ZNF737: variants seen among roughly 807,000 people sequenced by gnomAD.
The protein encoded by ZNF737 is zinc finger protein 102 (Y3).
A neutral mutation model predicts 11.7 loss-of-function variants in ZNF737; 13 were observed. The observed-to-expected ratio is 1.11, with a 90% confidence interval of 0.73 to 1.77. ZNF737 has a LOEUF of 1.77. ZNF737 is among the 40% of genes most tolerant of loss of function. The pLI, the probability that ZNF737 is intolerant of heterozygous loss-of-function variation, is 0.00. For synonymous variants in ZNF737, 217 were observed against 216.2 expected, an observed-to-expected ratio of 1.00 and a Z score of -0.03; for missense variants, 636 against 638.0, an observed-to-expected ratio of 1.00 and a Z score of 0.03.
rs782645108 is a variant in ZNF737 at position 20,545,541 on chromosome 19, C to A, written c.662G>T (p.Arg221Ile). The A allele has an allele frequency of 6.2e-6, 10 of 1,612,556 alleles. No homozygotes were observed. The highest frequency in any genetic ancestry group is 2.2e-5 in the East Asian group (1 of 44,822). ...NWSSHLTTHK[R>I]IHTGEKRYKC... The stretch of plus-strand genomic sequence containing the variant: ...GTACCGTTTCTCTCCAGTATGAATT[C>A]TCTTATGTGTAGTAAGGTGTGAGGA... Residue 221 changes from arginine (R) to isoleucine (I), a missense_variant, in exon 4 of 4, where the codon AGA becomes ATA. By Grantham distance (97) the Arg-to-Ile change is moderately conservative. Transcript: ENST00000427401.
downstream of ZNF737, among the ~76,000 whole-genome samples, chr19:20,536,576 G>A (rs151082903): frequency 8.5e-4 from 129 of 152,190 alleles, 1 homozygote; most frequent in East Asian, 0.023. Context: ...TTGAGAGGCC[G>A]AGGTGGGTAG....
At position 20,543,032 on chromosome 19, in the gene ZNF737, GCT is replaced by G; in HGVS notation, c.*1558_*1559del. ...TTGTGGATTAGTTTTTATATTCAATGCTCTGATTTAGTGTAATGTCTGAAGTG... is the reference window on the plus strand; with the variant it reads ...TTGTGGATTAGTTTTTATATTCAATGCTGATTTAGTGTAATGTCTGAAGTG... On this transcript the variant is annotated 3_prime_UTR_variant, in exon 4 of 4. Transcript: ENST00000427401. The G allele has an allele frequency of 1.0e-6, 1 of 985,124 alleles. No homozygotes were observed. Among genetic ancestry groups the G allele is most frequent in the African/African-American group, 1.7e-5 (1 of 57,330 alleles). The allele number at this position is 985,124 out of a possible 1,614,324, so 61.0% of individuals were successfully genotyped here. A position where few individuals can be genotyped will look rare whatever the true frequency, so the allele number is the denominator to read the frequency against.
chr19:20,544,933 G>T lies in ZNF737; in HGVS notation c.1270C>A (p.Pro424Thr), dbSNP rs200133247. Residue 424 changes from proline to threonine, a missense_variant, in exon 4 of 4, where the codon CCC becomes ACC. Pro to Thr is a conservative substitution (Grantham distance 38). Coordinates refer to ENST00000427401, the MANE Select transcript of ZNF737 (RefSeq NM_001159293.2). ...THKIIHTGQQ[P>T]FKCEECGKAF... ...TTGCCACATTCTTCACACTTGAAGG[G>T]TTGCTGTCCAGTATGGATTATCTTA... is the stretch of plus-strand genomic sequence containing the variant. The T allele has an allele frequency of 6.2e-7, 1 of 1,613,014 alleles. No individual in the cohort carries two copies. Among genetic ancestry groups the T allele is most frequent in the Non-Finnish European group, 8.5e-7 (1 of 1,179,550 alleles).
intron 1 of ZNF737, among the ~76,000 whole-genome samples, chr19:20,558,962 T>C (rs1424835351): frequency 6.6e-6 from 1 of 152,208 alleles, no homozygotes; most frequent in Non-Finnish European, 1.5e-5. Flanking sequence ...TAAATGGTGC[T>C]GGAATAACTA....
At chr19:20,559,968 C>T (rs1969022095) in intron 1 of ZNF737, among the ~76,000 whole-genome samples, 1 of 151,414 alleles carries the variant, frequency 6.6e-6, no homozygotes. Context: ...AGATCGAGAC[C>T]ATCCTGGCTA....
Position 20,543,721 on chromosome 19 carries a change from G to C in ZNF737, c.*871C>G. 1 of 985,342 alleles carries C rather than the reference G, an allele frequency of 1.0e-6. No homozygotes were observed. The highest frequency in any genetic ancestry group is 1.2e-6 in the Non-Finnish European group (1 of 829,858). 61.0% of individuals were successfully genotyped at this position (985,342 alleles called of 1,614,324 possible). A position where few individuals can be genotyped will look rare whatever the true frequency, so the allele number is the denominator to read the frequency against. On this transcript the variant is annotated 3_prime_UTR_variant, in exon 4 of 4. Transcript: ENST00000427401. ...TATATATTTCTAGGGTTTCACACTA[G>C]TATAATTATTGTTATGTGTAGAGAA...
In ZNF737 at chr19:20,565,722, C is replaced by G; in HGVS notation, c.-82G>C. The G allele has an allele frequency of 6.3e-7, 1 of 1,597,998 alleles. No individual in the cohort carries two copies. ...GGACACAGGGCCACAGAGGCTGGGC[C>G]TCTAGGAGCAGAGGACACACAGCAG... is the stretch of plus-strand genomic sequence containing the variant. On this transcript the variant is annotated 5_prime_UTR_variant, in exon 1 of 4. Coordinates refer to ENST00000427401, the MANE Select transcript of ZNF737 (RefSeq NM_001159293.2).
intron 1 of ZNF737, among the ~76,000 whole-genome samples, chr19:20,558,506 G>A (rs1352351525): frequency 6.6e-6 from 1 of 150,920 alleles, no homozygotes; most frequent in African/African-American, 2.4e-5. Flanking sequence ...CTGCTGCATA[G>A]TTTTTTTTTA....
Position 20,539,877 on chromosome 19 carries a change from T to C in ZNF737, c.*4715A>G, listed in dbSNP as rs1968129527. ...TGAGTTCAGCCTTGTTGGTAGACTA[T>C]TGGTATCCCAGAGGCTGATCATTCA... On this transcript the variant is annotated 3_prime_UTR_variant, in exon 4 of 4. Transcript: ENST00000427401. 3.5e-5 allele frequency: 34 copies of C among 985,156 alleles called. No homozygotes were observed. Among genetic ancestry groups the C allele is most frequent in the Non-Finnish European group, 3.9e-5 (32 of 829,890 alleles). 61.0% of individuals were successfully genotyped at this position (985,156 alleles called of 1,614,324 possible).
intron 1 of ZNF737, among the ~76,000 whole-genome samples, chr19:20,564,994 G>A (rs1326112704): frequency 6.8e-6 from 1 of 147,950 alleles, no homozygotes. Context: ...GAGTGCAGTG[G>A]CAAGATCTCA....
downstream of ZNF737, among the ~76,000 whole-genome samples, chr19:20,537,605 C>T (rs1238613432): frequency 7.8e-5 from 11 of 141,142 alleles, no homozygotes; most frequent in Non-Finnish European, 1.5e-4. Flanking sequence ...CAGTCTCTTC[C>T]TCCTGGGTTC....
intron 1 of ZNF737, among the ~76,000 whole-genome samples, chr19:20,564,800 AG>A (rs1969233732): frequency 6.9e-6 from 1 of 144,372 alleles, no homozygotes; most frequent in Non-Finnish European, 1.5e-5. Flanking sequence ...AAGAAGCTCT[AG>A]TCCCTGGATT....
At chr19:20,563,486 CT>C (rs59511067) in intron 1 of ZNF737, among the ~76,000 whole-genome samples, 4,683 of 123,592 alleles carry the variant, frequency 0.038, 172 homozygotes, top group African/African-American at 0.12. Flanking sequence ...GAAGTGCTTA[CT>C]TTTTTTTTTT....
chr19:20,550,891 G>A (rs782000824), intron 3 of ZNF737, among the ~76,000 whole-genome samples: 1 of 152,210 alleles, frequency 6.6e-6, no homozygotes, highest in Non-Finnish European at 1.5e-5. Flanking sequence ...TACAGACCAG[G>A]ATAGGGTTTA....
At chr19:20,546,259 A>G (rs1339681895) in intron 3 of ZNF737, among the ~76,000 whole-genome samples, 2 of 152,218 alleles carry the variant, frequency 1.3e-5, no homozygotes, top group East Asian at 3.9e-4. Flanking sequence ...TATACCCAAC[A>G]GAGCTCTTCC....
chr19:20,542,453 A>G lies in ZNF737; in HGVS notation c.*2139T>C, dbSNP rs1399445702. 1 of 621,944 alleles carries G rather than the reference A, an allele frequency of 1.6e-6. No individual in the cohort carries two copies. The highest frequency in any genetic ancestry group is 2.0e-6 in the Non-Finnish European group (1 of 498,442). 38.5% of individuals were successfully genotyped at this position (621,944 alleles called of 1,614,324 possible). Reference sequence around the variant, plus strand: ...CTCCATGTTGGTCAGGCTGGTCTCGAACTCCTGACCTCAGGTGATCTGCCC... The same window carrying G: ...CTCCATGTTGGTCAGGCTGGTCTCGGACTCCTGACCTCAGGTGATCTGCCC... On this transcript the variant is annotated 3_prime_UTR_variant, in exon 4 of 4. Transcript: ENST00000427401.
the ZNF737 span, among the ~76,000 whole-genome samples, chr19:20,530,528 G>A: frequency 4.1e-5 from 6 of 146,364 alleles, no homozygotes; most frequent in African/African-American, 1.3e-4. Flanking sequence ...GTTGCCAGGC[G>A]GAGGGTCTCC....
At chr19:20,563,090 A>C (rs1359982373) in intron 1 of ZNF737, among the ~76,000 whole-genome samples, 1 of 149,306 alleles carries the variant, frequency 6.7e-6, no homozygotes, top group Non-Finnish European at 1.5e-5. Flanking sequence ...TTTTTAACAT[A>C]AATTAATATT....
rs1039866650 is a variant in ZNF737 at position 20,540,814 on chromosome 19, C to T, written c.*3778G>A. On this transcript the variant is annotated 3_prime_UTR_variant, in exon 4 of 4. Coordinates refer to ENST00000427401, the MANE Select transcript of ZNF737 (RefSeq NM_001159293.2). ...TTGTTATCTACATAAACAAAGATAT[C>T]AACTGGATATAATAATTAACTACTT... 30 of 914,990 alleles carry T rather than the reference C, an allele frequency of 3.3e-5. No homozygotes were observed. The African/African-American group carries it at 4.7e-4, about 14-fold the overall frequency. The allele number at this position is 914,990 out of a possible 1,614,324, so 56.7% of individuals were successfully genotyped here.
Sources: allele counts gnomAD v4.1 joint callset (sites outside exome capture counted in the v4.1 genomes callset), GRCh38; gene constraint gnomAD v4.1.1; transcripts MANE v1.5; gene names NCBI Gene and HGNC (gene_info 2026-07-23, HGNC 2026-07-21).